TSC22D3: variants seen among roughly 807,000 people sequenced by gnomAD.
The protein encoded by TSC22D3 is TSC22 domain family protein 3.
A neutral mutation model predicts 11.1 loss-of-function variants in TSC22D3; 4 were observed. The observed-to-expected ratio is 0.36, with a 90% CI of 0.18 to 0.83. The LOEUF is 0.83. TSC22D3 is among the 40% of genes least tolerant of loss of function. The probability of loss-of-function intolerance (pLI) is 0.48; values close to 1 mark genes in which losing one functional copy is unlikely to be tolerated. For missense variants in TSC22D3, 118 were observed against 159.4 expected, an observed-to-expected ratio of 0.74 and a Z score of 1.40; for synonymous variants, 77 against 70.3, an observed-to-expected ratio of 1.10 and a Z score of -0.48.
At chrX:107,767,168 GAGA>G (rs1929708220) in intron 1 of TSC22D3, among the ~76,000 whole-genome samples, 1 of 112,163 alleles carries the variant, frequency 8.9e-6, no homozygotes, top group Non-Finnish European at 1.9e-5. Flanking sequence ...CTCCCCTGAA[GAGA>G]AGATTAGAAG....
chrX:107,743,188 C>T lies in TSC22D3; in HGVS notation c.321-27238G>A, dbSNP rs887259998. 4.4e-5 allele frequency among the ~76,000 whole-genome samples: 5 copies of T among 112,637 alleles called. No homozygotes were observed. The East Asian group carries it at 1.4e-3, about 31-fold the overall frequency. The stretch of plus-strand genomic sequence containing the variant: ...CAGTTCCGAAGAAGAAAAGGCGGCA[C>T]AACGACAAACACAGCCTGGGAACTT... On this transcript the variant is annotated intron_variant, in intron 1 of 2. Coordinates refer to ENST00000372383, the MANE Select transcript of TSC22D3 (RefSeq NM_198057.3).
At chrX:107,759,404 C>T (rs941352032) in intron 1 of TSC22D3, among the ~76,000 whole-genome samples, 1 of 112,051 alleles carries the variant, frequency 8.9e-6, no homozygotes, top group Non-Finnish European at 1.9e-5. Context: ...AGAATATCTG[C>T]GTTGAAAGAG....
chrX:107,726,640 C>T (rs1364695654), intron 1 of TSC22D3, among the ~76,000 whole-genome samples: 2 of 111,349 alleles, frequency 1.8e-5, no homozygotes, highest in Non-Finnish European at 3.8e-5. Context: ...GATTTCTTTT[C>T]TTTCTTTCAT....
chrX:107,716,477 C>A (rs1418910085), intron 1 of TSC22D3: 5 of 996,113 alleles, frequency 5.0e-6, no homozygotes, highest in Non-Finnish European at 6.3e-6. Flanking sequence ...CTGGTTTTCA[C>A]GGCGCAGCGG....
At chrX:107,774,908 C>T (rs1930063537) in intron 1 of TSC22D3, 192 bp downstream of exon 1, 1 of 477,841 alleles carries the variant, frequency 2.1e-6, no homozygotes, top group African/African-American at 2.4e-5. Context: ...CAGAATAGGG[C>T]TTGCACCTGC....
intron 1 of TSC22D3, among the ~76,000 whole-genome samples, chrX:107,762,224 C>T (rs1265552555): frequency 9.0e-6 from 1 of 111,457 alleles, no homozygotes; most frequent in Non-Finnish European, 1.9e-5. Context: ...ACTCCAATGC[C>T]CCCTGCAGAG....
chrX:107,755,116 G>A (rs1448302866), intron 1 of TSC22D3, among the ~76,000 whole-genome samples: 1 of 112,188 alleles, frequency 8.9e-6, no homozygotes, highest in Non-Finnish European at 1.9e-5. Context: ...AGAAATGAAA[G>A]TTCAAACTTT....
chrX:107,755,799 C>T (rs973083652), intron 1 of TSC22D3, among the ~76,000 whole-genome samples: 3 of 112,005 alleles, frequency 2.7e-5, no homozygotes, highest in Non-Finnish European at 3.8e-5. Context: ...CTGGAAATAC[C>T]TCCCTTAATT....
At chrX:107,771,704 G>T (rs1233248532) in intron 1 of TSC22D3, among the ~76,000 whole-genome samples, 1 of 112,875 alleles carries the variant, frequency 8.9e-6, no homozygotes, top group Non-Finnish European at 1.9e-5. Context: ...TTATTAATCT[G>T]TTATGGTTAT....
chrX:107,731,929 G>A (rs973984062), intron 1 of TSC22D3, among the ~76,000 whole-genome samples: 2 of 110,929 alleles, frequency 1.8e-5, no homozygotes, highest in African/African-American at 6.6e-5. Context: ...GGAGCCATGG[G>A]AGTAACTTTT....
Position 107,720,940 on chromosome X carries a change from G to A in TSC22D3, c.321-4990C>T, listed in dbSNP as rs1013267436. 2.7e-5 allele frequency among the ~76,000 whole-genome samples: 3 copies of A among 111,068 alleles called. No homozygotes were observed. In the East Asian group the frequency reaches 8.5e-4, roughly 31 times the overall value. ...GAGACTCTCAGGGTCCTTGTGTCCCGTGGAAGTGGGCCCCAAACAGGAAAC... is the reference window on the plus strand; with the variant it reads ...GAGACTCTCAGGGTCCTTGTGTCCCATGGAAGTGGGCCCCAAACAGGAAAC... On this transcript the variant is annotated intron_variant, in intron 1 of 2. Transcript: ENST00000372383.
intron 1 of TSC22D3, among the ~76,000 whole-genome samples, chrX:107,769,715 T>TCACACACACACACACACACACA (rs748668681): frequency 6.9e-5 from 7 of 101,500 alleles, no homozygotes; most frequent in African/African-American, 2.6e-4. Context: ...TCTTTCTCTT[T>TCACACACACACACACACACACA]CACACACACA....
chrX:107,744,541 G>C (rs1183412344), intron 1 of TSC22D3, among the ~76,000 whole-genome samples: 2 of 111,581 alleles, frequency 1.8e-5, no homozygotes, highest in African/African-American at 6.5e-5. Context: ...AGAAAACTGT[G>C]CCTACTACTT....
At chrX:107,715,394 C>A in intron 2 of TSC22D3, among the ~76,000 whole-genome samples, 1 of 112,143 alleles carries the variant, frequency 8.9e-6, no homozygotes, top group East Asian at 2.8e-4. Flanking sequence ...AATTAAGTGG[C>A]TCCCAACCGC....
At chrX:107,715,617 C>T (rs1448969640) in intron 2 of TSC22D3, among the ~76,000 whole-genome samples, 2 of 112,216 alleles carry the variant, frequency 1.8e-5, no homozygotes, top group Non-Finnish European at 3.8e-5. Context: ...AGAGTCTGAG[C>T]TCCCTGCCCA....
chrX:107,729,118 C>T (rs1006953973), intron 1 of TSC22D3, among the ~76,000 whole-genome samples: 1 of 112,478 alleles, frequency 8.9e-6, no homozygotes, highest in African/African-American at 3.2e-5. Context: ...ATGAAGATGT[C>T]GTGAGGAGCA....
intron 1 of TSC22D3, chrX:107,716,494 G>C: frequency 9.9e-7 from 1 of 1,014,538 alleles, no homozygotes; most frequent in Non-Finnish European, 1.2e-6. Flanking sequence ...GCGGCCGCAG[G>C]GACGCTTCGA....
At chrX:107,769,546 C>T (rs1929810319) in intron 1 of TSC22D3, among the ~76,000 whole-genome samples, 1 of 110,971 alleles carries the variant, frequency 9.0e-6, no homozygotes, top group Admixed American at 9.6e-5. Flanking sequence ...GGGATGATGA[C>T]AAAATTTTGG....
intron 1 of TSC22D3, among the ~76,000 whole-genome samples, chrX:107,743,413 A>C (rs1346554267): frequency 6.2e-5 from 7 of 112,120 alleles, no homozygotes; most frequent in Admixed American, 4.7e-4. Context: ...TGAGGAAGAG[A>C]CTTTTGCTGG....
Sources: gnomAD v4.1 joint callset for allele counts (sites outside exome capture counted in the v4.1 genomes callset) on GRCh38, gnomAD v4.1.1 for gene constraint, MANE v1.5 for transcripts, NCBI Gene and HGNC (gene_info 2026-07-23, HGNC 2026-07-21) for gene names.